Variants in TUT7 observed in about 807,000 individuals in gnomAD.
TUT7 encodes terminal uridylyltransferase 7.
TUT7 carries 33 observed loss-of-function variants against 165.9 expected under a neutral mutation model. The observed-to-expected ratio is 0.20, with a 90% CI of 0.15 to 0.27. TUT7 has a LOEUF of 0.27. Ranked by LOEUF, TUT7 falls within the 10% of genes least tolerant of loss-of-function variation. TUT7 has a pLI of 1.00. For synonymous variants in TUT7, 552 were observed against 608.1 expected, an observed-to-expected ratio of 0.91 and a Z score of 1.36; for missense variants, 1,338 against 1,762.3, an observed-to-expected ratio of 0.76 and a Z score of 4.31.
chr9:86,298,137 C>CT (rs1826524692), intron 26 of TUT7, among the ~76,000 whole-genome samples: 1 of 152,150 alleles, frequency 6.6e-6, no homozygotes, highest in Admixed American at 6.5e-5. Context: ...CAACCATTCT[C>CT]TTTCCCTTTT....
At chr9:86,310,661 T>G (rs1263576043) in intron 18 of TUT7, 45 bp downstream of exon 18, 1 of 1,053,418 alleles carries the variant, frequency 9.5e-7, no homozygotes, top group East Asian at 2.4e-5. Flanking sequence ...GTGAGACATT[T>G]GTTCCCTTAA....
chr9:86,309,965 A>G lies in TUT7; in HGVS notation c.3431T>C (p.Val1144Ala). ...TTTCATGGTATAGCACAAATACTTC[A>G]CTCTGGGATCAATGGCGGAATAAGC... ...LSAYSAIDPR[V>A]KYLCYTMKVF... The change falls in exon 19 of 27, where the codon GTG becomes GCG. Residue 1144 changes from valine to alanine, a missense_variant. By Grantham distance (64) the Val-to-Ala change is moderately conservative. Around this residue, in one of 7 missense-constraint regions of TUT7, gnomAD observed 157 missense variants for 357.5 expected, o/e 0.44. Coordinates refer to ENST00000375963, the MANE Select transcript of TUT7 (RefSeq NM_024617.4). 4 of 1,613,928 alleles carry G rather than the reference A, an allele frequency of 2.5e-6. No individual in the cohort carries two copies. Among genetic ancestry groups the G allele is most frequent in the Non-Finnish European group, 2.5e-6 (3 of 1,179,916 alleles).
At chr9:86,293,255 G>A (rs1826030041) in intron 26 of TUT7, among the ~76,000 whole-genome samples, 1 of 152,140 alleles carries the variant, frequency 6.6e-6, no homozygotes. Context: ...TTCAAGACGA[G>A]CCTGGGCAAC....
At position 86,310,798 on chromosome 9, in the gene TUT7, T is replaced by C. The variant is rs201124820; in HGVS notation, c.3286A>G (p.Ile1096Val). ...ACCTTTGCTGTTGTAATAGGTAAGA[T>C]GTTTCTCAGACCTAAGTTGGGAAAT... ...VLRKHSGLRN[I>V]LPITTAKVPI... Residue 1096 changes from isoleucine (I) to valine (V), a missense_variant, in exon 18 of 27, where the codon ATC becomes GTC. Ile to Val is a conservative substitution (Grantham distance 29). Coordinates refer to ENST00000375963, the MANE Select transcript of TUT7 (RefSeq NM_024617.4). The C allele has an allele frequency of 6.2e-7, 1 of 1,603,078 alleles. No homozygotes were observed. Among genetic ancestry groups the C allele is most frequent in the East Asian group, 2.2e-5 (1 of 44,808 alleles).
chr9:86,320,213 C>G (rs978935778), intron 14 of TUT7, among the ~76,000 whole-genome samples: 1 of 147,606 alleles, frequency 6.8e-6, no homozygotes, highest in Non-Finnish European at 1.5e-5. Context: ...CTAAGGAGAA[C>G]CTAGTTTTTT....
At chr9:86,327,089 A>G (rs973720438) in intron 11 of TUT7, among the ~76,000 whole-genome samples, 2 of 152,218 alleles carry the variant, frequency 1.3e-5, no homozygotes, top group African/African-American at 4.8e-5. Flanking sequence ...AGAACTGATT[A>G]AAAATGGAAG....
At chr9:86,290,748 C>T (rs1825840045) in intron 26 of TUT7, among the ~76,000 whole-genome samples, 1 of 151,078 alleles carries the variant, frequency 6.6e-6, no homozygotes, top group Non-Finnish European at 1.5e-5. Context: ...GTAGTCCCAG[C>T]TACTCGGAAG....
intron 26 of TUT7, chr9:86,298,742 T>A: frequency 1.0e-6 from 1 of 969,776 alleles, no homozygotes; most frequent in African/African-American, 1.8e-5. Context: ...ATAACACACA[T>A]TTGTTTTTTT....
intron 5 of TUT7, among the ~76,000 whole-genome samples, chr9:86,344,212 T>C (rs1369076918): frequency 1.3e-5 from 2 of 152,154 alleles, no homozygotes; most frequent in Non-Finnish European, 1.5e-5. Flanking sequence ...TAAAAATAGT[T>C]GTCCATGGCT....
At chr9:86,320,495 C>T (rs1319479914) in intron 14 of TUT7, among the ~76,000 whole-genome samples, 5 of 152,138 alleles carry the variant, frequency 3.3e-5, no homozygotes. Flanking sequence ...ATTCTATGTT[C>T]AAATTTTAGA....
intron 10 of TUT7, 110 bp from the exon 11 acceptor site, chr9:86,328,602 GAT>G (rs1830023469): frequency 1.4e-5 from 12 of 867,388 alleles, no homozygotes; most frequent in Middle Eastern, 3.2e-4. Context: ...AAATACAAAA[GAT>G]ATAATTTATG....
chr9:86,304,783 A>T, intron 24 of TUT7, 73 bp downstream of exon 24: 1 of 890,138 alleles, frequency 1.1e-6, no homozygotes, highest in Non-Finnish European at 1.7e-6. Flanking sequence ...TATTTAAGTT[A>T]CTACTGAAGT....
rs1829543022 is a variant in TUT7 at position 86,323,760 on chromosome 9, C to T, written c.1990G>A (p.Val664Ile). The T allele has an allele frequency of 1.2e-6, 2 of 1,613,682 alleles. No individual in the cohort carries two copies. The highest frequency in any genetic ancestry group is 1.7e-6 in the Non-Finnish European group (2 of 1,179,824). ...TTGAGCTTATCATCTTTTGTTTGTA[C>T]ATCTGGATGATGATTTATTACTTCT... ...SKEVINHHPD[V>I]QTKDDKLKNS... Residue 664 changes from valine to isoleucine, a missense_variant, in exon 13 of 27, where the codon GTA becomes ATA. By Grantham distance (29) the Val-to-Ile change is conservative. Coordinates refer to ENST00000375963, the MANE Select transcript of TUT7 (RefSeq NM_024617.4).
At chr9:86,308,693 G>A in intron 21 of TUT7, 87 bp from the exon 22 acceptor site, 1 of 1,152,046 alleles carries the variant, frequency 8.7e-7, no homozygotes, top group Non-Finnish European at 1.2e-6. Context: ...AGTAAATTTG[G>A]ATTTATTTCT....
chr9:86,307,861 G>T (rs1827652370), intron 22 of TUT7, among the ~76,000 whole-genome samples: 1 of 152,122 alleles, frequency 6.6e-6, no homozygotes, highest in Admixed American at 6.6e-5. Context: ...AGTTGTGGTG[G>T]TGGGTCCCTG....
At chr9:86,309,712 C>G in intron 19 of TUT7, 136 bp from the exon 20 acceptor site, 2 of 905,462 alleles carry the variant, frequency 2.2e-6, no homozygotes. Context: ...CAAAACCAAT[C>G]CAACCTAGCA....
At chr9:86,337,242 A>G in intron 10 of TUT7, 177 bp downstream of exon 10, 1 of 708,290 alleles carries the variant, frequency 1.4e-6, no homozygotes, top group Non-Finnish European at 2.3e-6. Flanking sequence ...AGGGCAACAT[A>G]CTGAAATCAA....
intron 8 of TUT7, among the ~76,000 whole-genome samples, chr9:86,339,633 A>G (rs1831160603): frequency 6.6e-6 from 1 of 152,326 alleles, no homozygotes; most frequent in East Asian, 1.9e-4. Context: ...TAAACCACCC[A>G]TTTACAGTAG....
intron 14 of TUT7, among the ~76,000 whole-genome samples, chr9:86,321,703 T>G (rs1180665553): frequency 6.6e-6 from 1 of 152,148 alleles, no homozygotes; most frequent in Non-Finnish European, 1.5e-5. Context: ...CATTCCAGCC[T>G]GGGGGACCGA....
Sources: gnomAD v4.1 joint callset for allele counts (sites outside exome capture counted in the v4.1 genomes callset) on GRCh38, gnomAD v4.1.1 for gene constraint, gnomAD v4.1.1 regional missense constraint, MANE v1.5 for transcripts, NCBI Gene and HGNC (gene_info 2026-07-23, HGNC 2026-07-21) for gene names.